TENM2: variants seen among roughly 807,000 people sequenced by gnomAD.
The protein encoded by TENM2 is teneurin-2.
TENM2 carries 52 observed loss-of-function variants against 245.2 expected under a neutral mutation model. The ratio of observed to expected loss-of-function variants is 0.21; its 90% CI spans 0.17 to 0.27. The LOEUF (loss-of-function observed/expected upper bound fraction) is 0.27, where lower values mean the gene tolerates loss of function less well. Among genes scored for constraint, TENM2 ranks in the 10% least tolerant of loss-of-function variants. The pLI, the probability that TENM2 is intolerant of heterozygous loss-of-function variation, is 1.00. For missense variants in TENM2, 3,046 were observed against 3,666.8 expected, an observed-to-expected ratio of 0.83 and a Z score of 4.37; for synonymous variants, 1,363 against 1,438.9, an observed-to-expected ratio of 0.95 and a Z score of 1.19.
At chr5:167,034,553 C>G in the TENM2 span, among the ~76,000 whole-genome samples, 575 of 148,778 alleles carry the variant, frequency 3.9e-3, 1 homozygote, top group African/African-American at 0.014. Context: ...TAGCGTGAAC[C>G]CGAGAGGCGG....
chr5:168,052,117 G>T (rs1219321754), intron 6 of TENM2, among the ~76,000 whole-genome samples: 3 of 151,274 alleles, frequency 2.0e-5, no homozygotes, highest in East Asian at 2.0e-4. Flanking sequence ...ATAAAAATAG[G>T]CCAGGTGCAG....
At chr5:167,591,613 A>G (rs1775881903) in intron 2 of TENM2, among the ~76,000 whole-genome samples, 1 of 152,238 alleles carries the variant, frequency 6.6e-6, no homozygotes, top group Admixed American at 6.5e-5. Context: ...AGGCGGCAGT[A>G]TTATACAATT....
At chr5:167,593,597 G>T (rs578217599) in intron 2 of TENM2, among the ~76,000 whole-genome samples, 1 of 152,168 alleles carries the variant, frequency 6.6e-6, no homozygotes, top group East Asian at 1.9e-4. Flanking sequence ...CTACCTATCC[G>T]GTAAGAGAAG....
At chr5:167,511,575 G>C in intron 2 of TENM2, among the ~76,000 whole-genome samples, 1 of 152,192 alleles carries the variant, frequency 6.6e-6, no homozygotes, top group East Asian at 1.9e-4. Flanking sequence ...TTGTGGCAGA[G>C]AGAAATTTAC....
chr5:167,358,371 T>C (rs1221789193), intron 1 of TENM2, among the ~76,000 whole-genome samples: 1 of 152,188 alleles, frequency 6.6e-6, no homozygotes, highest in African/African-American at 2.4e-5. Flanking sequence ...TTTGCAACAG[T>C]TAATCACTCC....
chr5:167,415,070 G>T (rs1321871110), intron 2 of TENM2, among the ~76,000 whole-genome samples: 1 of 152,102 alleles, frequency 6.6e-6, no homozygotes. Context: ...CACAGGTAAA[G>T]AATTTTGCCA....
intron 2 of TENM2, among the ~76,000 whole-genome samples, chr5:167,432,881 C>T (rs1764330688): frequency 6.6e-6 from 1 of 152,028 alleles, no homozygotes. Context: ...GAAATTTAGA[C>T]GTTCATAGTA....
intron 2 of TENM2, among the ~76,000 whole-genome samples, chr5:167,434,513 TACTC>T (rs932951836): frequency 6.0e-5 from 9 of 150,662 alleles, no homozygotes; most frequent in East Asian, 2.0e-4. Flanking sequence ...ATTCTCAAAA[TACTC>T]AACCAAATTG....
chr5:167,164,178 A>G, the TENM2 span, among the ~76,000 whole-genome samples: 3 of 152,220 alleles, frequency 2.0e-5, no homozygotes, highest in African/African-American at 2.4e-5. Flanking sequence ...AGGCACAAAG[A>G]CAAGAAACCA....
chr5:167,363,181 T>C (rs1023279281), intron 1 of TENM2, among the ~76,000 whole-genome samples: 1 of 152,114 alleles, frequency 6.6e-6, no homozygotes, highest in African/African-American at 2.4e-5. Context: ...TAGCCCACAG[T>C]AGGTTTTCAT....
At chr5:167,272,271 CT>C in the TENM2 span, among the ~76,000 whole-genome samples, 1 of 152,162 alleles carries the variant, frequency 6.6e-6, no homozygotes, top group African/African-American at 2.4e-5. Context: ...ATGGGATGCA[CT>C]GTTTTCGGGT....
At chr5:167,264,040 G>A in the TENM2 span, among the ~76,000 whole-genome samples, 1 of 151,606 alleles carries the variant, frequency 6.6e-6, no homozygotes, top group Non-Finnish European at 1.5e-5. Context: ...GGGAGGTGGA[G>A]GTTAGAGTGA....
chr5:167,790,619 A>T (rs138084276), intron 2 of TENM2, among the ~76,000 whole-genome samples: 1 of 152,200 alleles, frequency 6.6e-6, no homozygotes, highest in Non-Finnish European at 1.5e-5. Context: ...GTCACCCCTC[A>T]GTCCCAGAGG....
chr5:167,468,814 T>A (rs1766829608), intron 2 of TENM2, among the ~76,000 whole-genome samples: 1 of 152,198 alleles, frequency 6.6e-6, no homozygotes, highest in African/African-American at 2.4e-5. Context: ...TTTGTAGTAT[T>A]CAAATAATTC....
chr5:168,240,323 T>A (rs1206101567), intron 25 of TENM2, among the ~76,000 whole-genome samples: 1 of 152,222 alleles, frequency 6.6e-6, no homozygotes, highest in Non-Finnish European at 1.5e-5. Flanking sequence ...GTGTCCCATG[T>A]GGTTTAGAAT....
At chr5:167,180,103 C>CTTTTTTT in the TENM2 span, among the ~76,000 whole-genome samples, 36 of 114,952 alleles carry the variant, frequency 3.1e-4, 1 homozygote, top group African/African-American at 1.4e-3. Context: ...TAAGTGCTTC[C>CTTTTTTT]TTTTTTTTTT....
intron 2 of TENM2, among the ~76,000 whole-genome samples, chr5:167,865,417 G>T (rs992660440): frequency 2.0e-5 from 3 of 151,942 alleles, no homozygotes; most frequent in Non-Finnish European, 4.4e-5. Context: ...GGGAGCACAG[G>T]CGCACACCAC....
intron 2 of TENM2, among the ~76,000 whole-genome samples, chr5:167,481,197 G>A (rs1767738844): frequency 1.3e-5 from 2 of 152,168 alleles, no homozygotes; most frequent in African/African-American, 2.4e-5. Flanking sequence ...TGCTGCTGAA[G>A]TTTACAAGAG....
chr5:167,614,772 A>T (rs1777685455), intron 2 of TENM2, among the ~76,000 whole-genome samples: 1 of 152,038 alleles, frequency 6.6e-6, no homozygotes, highest in Non-Finnish European at 1.5e-5. Flanking sequence ...TTGCTGGGAG[A>T]ATCAAGGCAA....
Sources: gnomAD v4.1 joint callset for allele counts (sites outside exome capture counted in the v4.1 genomes callset) on GRCh38, gnomAD v4.1.1 for gene constraint, MANE v1.5 for transcripts, NCBI Gene and HGNC (gene_info 2026-07-23, HGNC 2026-07-21) for gene names.